SDCCAG8: variants seen among roughly 807,000 people sequenced by gnomAD.
SDCCAG8 encodes the protein SHH signaling and ciliogenesis regulator SDCCAG8.
A neutral mutation model predicts 101.8 loss-of-function variants in SDCCAG8; 74 were observed. The ratio of observed to expected loss-of-function variants is 0.73; its 90% CI spans 0.60 to 0.88. The LOEUF is 0.88. Among genes scored for constraint, SDCCAG8 ranks in the 40% least tolerant of loss-of-function variants. The pLI is 0.00. For synonymous variants in SDCCAG8, 281 were observed against 292.9 expected, an observed-to-expected ratio of 0.96 and a Z score of 0.41; for missense variants, 787 against 822.6, an observed-to-expected ratio of 0.96 and a Z score of 0.53.
At chr1:243,347,819 T>A (rs928607999) in intron 12 of SDCCAG8, among the ~76,000 whole-genome samples, 2 of 152,178 alleles carry the variant, frequency 1.3e-5, no homozygotes, top group East Asian at 1.9e-4. Context: ...ACTTCCCTTT[T>A]GGTAAATTAA....
chr1:243,367,058 A>C (rs2077029211), intron 12 of SDCCAG8, among the ~76,000 whole-genome samples: 1 of 152,048 alleles, frequency 6.6e-6, no homozygotes, highest in Admixed American at 6.6e-5. Context: ...TTGCTTTTGG[A>C]TGATTTTTCT....
chr1:243,469,074 A>G (rs1660713413), intron 16 of SDCCAG8, among the ~76,000 whole-genome samples: 1 of 152,252 alleles, frequency 6.6e-6, no homozygotes, highest in African/African-American at 2.4e-5. Context: ...GCTTAGGATC[A>G]TGCTCAGATT....
chr1:243,367,053 T>C (rs1423290452), intron 12 of SDCCAG8, among the ~76,000 whole-genome samples: 1 of 152,074 alleles, frequency 6.6e-6, no homozygotes, highest in Non-Finnish European at 1.5e-5. Context: ...TATTTTTGCT[T>C]TTGGATGATT....
chr1:243,464,864 T>C (rs1393948953), intron 16 of SDCCAG8, among the ~76,000 whole-genome samples: 1 of 152,204 alleles, frequency 6.6e-6, no homozygotes, highest in Non-Finnish European at 1.5e-5. Flanking sequence ...GATTGAAAGC[T>C]CCAGTACATG....
At chr1:243,411,734 A>T (rs530083847) in intron 13 of SDCCAG8, among the ~76,000 whole-genome samples, 1 of 152,208 alleles carries the variant, frequency 6.6e-6, no homozygotes, top group Admixed American at 6.5e-5. Context: ...ACTGCTTTTG[A>T]GGTTCAGCCA....
intron 8 of SDCCAG8, among the ~76,000 whole-genome samples, chr1:243,314,612 A>G (rs1395906224): frequency 1.3e-5 from 2 of 152,202 alleles, no homozygotes; most frequent in African/African-American, 2.4e-5. Context: ...GAAAATAGAT[A>G]AAGTCTATTA....
chr1:243,360,841 C>CA (rs889309956), intron 12 of SDCCAG8, among the ~76,000 whole-genome samples: 11 of 151,698 alleles, frequency 7.3e-5, no homozygotes, highest in Non-Finnish European at 1.3e-4. Flanking sequence ...CAAAACAAAA[C>CA]AAAAAAACAA....
At chr1:243,343,386 A>G (rs1360140677) in intron 11 of SDCCAG8, among the ~76,000 whole-genome samples, 2 of 152,178 alleles carry the variant, frequency 1.3e-5, no homozygotes, top group African/African-American at 4.8e-5. Context: ...GTTTAGATTT[A>G]TCTGCTAATT....
At chr1:243,460,121 G>T (rs1326631585) in intron 16 of SDCCAG8, among the ~76,000 whole-genome samples, 2 of 152,182 alleles carry the variant, frequency 1.3e-5, no homozygotes, top group Non-Finnish European at 2.9e-5. Context: ...AGTGGAACAT[G>T]ATGTTATTCA....
At chr1:243,497,007 T>C (rs1668096575) in intron 17 of SDCCAG8, among the ~76,000 whole-genome samples, 1 of 152,058 alleles carries the variant, frequency 6.6e-6, no homozygotes, top group South Asian at 2.1e-4. Flanking sequence ...GCAAGGGCCA[T>C]GATGACAAAT....
At chr1:243,380,186 A>T (rs1250185347) in intron 13 of SDCCAG8, among the ~76,000 whole-genome samples, 1 of 152,228 alleles carries the variant, frequency 6.6e-6, no homozygotes, top group Non-Finnish European at 1.5e-5. Context: ...TGAGAAAAAA[A>T]TTGCTTAATA....
At chr1:243,395,912 G>C (rs926843487) in intron 13 of SDCCAG8, among the ~76,000 whole-genome samples, 1 of 151,774 alleles carries the variant, frequency 6.6e-6, no homozygotes, top group African/African-American at 2.4e-5. Context: ...TTACAGACTT[G>C]ATTGATTTTA....
At chr1:243,431,843 C>T (rs776291644) in intron 16 of SDCCAG8, among the ~76,000 whole-genome samples, 10 of 152,078 alleles carry the variant, frequency 6.6e-5, no homozygotes, top group Admixed American at 5.2e-4. Flanking sequence ...CCGGGGGTTT[C>T]GTCAATTACA....
chr1:243,286,311 G>A lies in SDCCAG8; in HGVS notation c.460G>A (p.Val154Met). ...AATGAAAAATAAAATACAAGTAGTT[G>A]TGCTTGAAAACGAAGGGCTCCAGCA... ...SGMKNKIQVV[V>M]LENEGLQQQL... The change falls in exon 5 of 18, where the codon GTG becomes ATG. Residue 154 changes from valine to methionine, a missense_variant. Val to Met is a conservative substitution (Grantham distance 21, BLOSUM62 1). Transcript: ENST00000366541. 3.7e-6 allele frequency: 6 copies of A among 1,614,030 alleles called. No homozygotes were observed. Among genetic ancestry groups the A allele is most frequent in the Non-Finnish European group, 5.1e-6 (6 of 1,179,906 alleles).
chr1:243,438,510 G>A (rs1574047557), intron 16 of SDCCAG8, among the ~76,000 whole-genome samples: 1 of 150,006 alleles, frequency 6.7e-6, no homozygotes, highest in Non-Finnish European at 1.5e-5. Context: ...GTTAGAGTGG[G>A]AGTGATTGTG....
intron 9 of SDCCAG8, among the ~76,000 whole-genome samples, chr1:243,325,369 A>G (rs1052680454): frequency 6.6e-6 from 1 of 152,136 alleles, no homozygotes; most frequent in South Asian, 2.1e-4. Context: ...GGTATGTTGA[A>G]ACACACTAGA....
chr1:243,307,976 A>C lies in SDCCAG8; in HGVS notation c.741-13A>C. On this transcript the variant is annotated splice_polypyrimidine_tract_variant and intron_variant, in intron 7 of 17. Coordinates refer to ENST00000366541, the MANE Select transcript of SDCCAG8 (RefSeq NM_006642.5). ...CCTGGCCATTTTCTAGAATTTTTTC[A>C]CCCTCTTTTTAGGAACGACTTAGCT... 1 of 1,613,094 alleles carries C rather than the reference A, an allele frequency of 6.2e-7. No homozygotes were observed. The highest frequency in any genetic ancestry group is 8.5e-7 in the Non-Finnish European group (1 of 1,179,894).
At chr1:243,473,483 T>G (rs1434069187) in intron 16 of SDCCAG8, among the ~76,000 whole-genome samples, 2 of 152,192 alleles carry the variant, frequency 1.3e-5, no homozygotes, top group Non-Finnish European at 2.9e-5. Context: ...CAGCGCCACA[T>G]GCACTGTCTG....
In SDCCAG8 at chr1:243,474,355, G is replaced by T. The variant is rs922228178; in HGVS notation, c.1986-14659G>T. On this transcript the variant is annotated intron_variant, in intron 16 of 17. Coordinates refer to ENST00000366541, the MANE Select transcript of SDCCAG8 (RefSeq NM_006642.5). This position sits in a 1 kb window ranked among gnomAD's most constrained non-coding sequence, Gnocchi z 4.7. ...AGGCCCTGCGAGCCCCCGTGGAGTC[G>T]CCTGAGCCAGATGCTCCGCACCCAG... is the stretch of plus-strand genomic sequence containing the variant. Among the ~76,000 whole-genome samples, 1 of 152,146 alleles carries T rather than the reference G, an allele frequency of 6.6e-6. No homozygotes were observed. The highest frequency in any genetic ancestry group is 2.4e-5 in the African/African-American group (1 of 41,436).
Sources: gnomAD v4.1 joint callset for allele counts (sites outside exome capture counted in the v4.1 genomes callset) on GRCh38, gnomAD v4.1.1 for gene constraint, Gnocchi (gnomAD v3.1) non-coding constraint, MANE v1.5 for transcripts, NCBI Gene and HGNC (gene_info 2026-07-23, HGNC 2026-07-21) for gene names.